MPC2: variants seen among roughly 807,000 people sequenced by gnomAD.
MPC2 encodes the protein mitochondrial pyruvate carrier 2.
A neutral mutation model predicts 19.2 loss-of-function variants in MPC2; 19 were observed. The observed-to-expected ratio is 0.99, with a 90% confidence interval of 0.69 to 1.45. The LOEUF is 1.45. Among genes scored for constraint, MPC2 ranks in the 40% most tolerant of loss-of-function variants. The pLI, the probability that MPC2 is intolerant of heterozygous loss-of-function variation, is 0.00. For missense variants in MPC2, 122 were observed against 153.0 expected, an observed-to-expected ratio of 0.80 and a Z score of 1.07; for synonymous variants, 61 against 54.3, an observed-to-expected ratio of 1.12 and a Z score of -0.54.
chr1:167,935,179 T>C (rs1419533600), intron 2 of MPC2, among the ~76,000 whole-genome samples: 2 of 152,010 alleles, frequency 1.3e-5, no homozygotes, highest in Non-Finnish European at 2.9e-5. Context: ...TAAATAAGGA[T>C]AGACTTAAAA....
intron 1 of MPC2, chr1:167,936,554 T>G: frequency 3.6e-6 from 1 of 275,932 alleles, no homozygotes; most frequent in Non-Finnish European, 7.0e-6. Context: ...CCCAGGGTGG[T>G]CGTCATCTCG....
chr1:167,931,214 G>C (rs1182426772), intron 2 of MPC2, among the ~76,000 whole-genome samples: 1 of 152,188 alleles, frequency 6.6e-6, no homozygotes, highest in Non-Finnish European at 1.5e-5. Flanking sequence ...TTACAGGTGT[G>C]AGCTACCGCG....
chr1:167,928,278 G>C (rs1670810990), intron 2 of MPC2, among the ~76,000 whole-genome samples: 1 of 151,074 alleles, frequency 6.6e-6, no homozygotes, highest in Non-Finnish European at 1.5e-5. Flanking sequence ...AAGCCGGGAG[G>C]TGGAGCTTGC....
At chr1:167,929,949 C>T (rs553449937) in intron 2 of MPC2, among the ~76,000 whole-genome samples, 5 of 152,134 alleles carry the variant, frequency 3.3e-5, no homozygotes, top group African/African-American at 4.8e-5. Context: ...TAATTCCTTA[C>T]ATTACACAAG....
chr1:167,927,532 A>C (rs531822880), intron 2 of MPC2, among the ~76,000 whole-genome samples: 1 of 152,238 alleles, frequency 6.6e-6, no homozygotes, highest in South Asian at 2.1e-4. Context: ...ATGGGTGTTC[A>C]TTTTTACTCT....
At chr1:167,934,200 G>T (rs1017414606) in intron 2 of MPC2, among the ~76,000 whole-genome samples, 5 of 152,138 alleles carry the variant, frequency 3.3e-5, no homozygotes, top group Non-Finnish European at 7.4e-5. Context: ...ATTACAGGTG[G>T]CTAAAAACTA....
intron 2 of MPC2, among the ~76,000 whole-genome samples, chr1:167,928,148 A>G (rs1670806694): frequency 6.6e-6 from 1 of 152,170 alleles, no homozygotes; most frequent in Non-Finnish European, 1.5e-5. Context: ...GAAGATCGAG[A>G]CCATCCTGGC....
At position 167,918,342 on chromosome 1, in the gene MPC2, T is replaced by G. The variant is rs1170720111; in HGVS notation, c.365A>C (p.Lys122Thr). 1 of 1,566,266 alleles carries G rather than the reference T, an allele frequency of 6.4e-7. No individual in the cohort carries two copies. Among genetic ancestry groups the G allele is most frequent in the Non-Finnish European group, 8.8e-7 (1 of 1,139,604 alleles). Residue 122 changes from lysine to threonine, a missense_variant, in exon 6 of 6, where the codon AAA (lysine) becomes ACA (threonine). Lys to Thr is a moderately conservative substitution (Grantham distance 78). Coordinates refer to ENST00000271373, the MANE Select transcript of MPC2 (RefSeq NM_001143674.4). ...FRIWRYNQEL[K>T]AKAHK ...ACTCTTTTATTTGTGTGCTTTAGCT[T>G]TTAGTTCTTGGTTATATCTATAAAG...
intron 2 of MPC2, 51 bp from the exon 3 acceptor site, chr1:167,924,588 C>A (rs1342369996): frequency 3.0e-6 from 4 of 1,344,158 alleles, no homozygotes; most frequent in South Asian, 1.5e-5. Context: ...ATATATTATA[C>A]ACGTCTTTTA....
At chr1:167,933,131 T>C (rs1557857261) in intron 2 of MPC2, among the ~76,000 whole-genome samples, 2 of 151,518 alleles carry the variant, frequency 1.3e-5, no homozygotes, top group African/African-American at 4.8e-5. Context: ...GATGCAATAC[T>C]GTAACTAAAA....
At chr1:167,926,283 C>G (rs1234066292) in intron 2 of MPC2, among the ~76,000 whole-genome samples, 3 of 152,210 alleles carry the variant, frequency 2.0e-5, no homozygotes, top group African/African-American at 7.2e-5. Flanking sequence ...GATGTTCTTA[C>G]AACTGAGTGA....
chr1:167,922,527 A>T (rs1473852180), intron 3 of MPC2, among the ~76,000 whole-genome samples: 1 of 152,068 alleles, frequency 6.6e-6, no homozygotes, highest in African/African-American at 2.4e-5. Context: ...GTAGGGAGAG[A>T]AGAAGGAAAT....
intron 2 of MPC2, among the ~76,000 whole-genome samples, chr1:167,932,584 G>A (rs1670939987): frequency 6.6e-6 from 1 of 152,062 alleles, no homozygotes; most frequent in African/African-American, 2.4e-5. Context: ...CAAGGCAGGT[G>A]GATCACCTGA....
intron 2 of MPC2, 103 bp from the exon 3 acceptor site, chr1:167,924,640 C>G: frequency 1.3e-6 from 1 of 789,652 alleles, no homozygotes. Flanking sequence ...ATTTATCAAC[C>G]TATTTTTAAC....
rs1021413745 is a variant in MPC2, at chr1:167,917,033, A to C, written c.*1290T>G. 9 of 152,214 alleles carry C rather than the reference A, an allele frequency of 5.9e-5. No homozygotes were observed. The highest frequency in any genetic ancestry group is 1.3e-4 in the Non-Finnish European group (9 of 68,022). 9.4% of individuals were successfully genotyped at this position (152,214 alleles called of 1,614,324 possible). A position where few individuals can be genotyped will look rare whatever the true frequency, so the allele number is the denominator to read the frequency against. Reference sequence around the variant, plus strand: ...TCATAGGTTATAGTATTACTCAAAAAGTTGTTTTGTCTCATTTCTTCAAAT... The same window carrying C: ...TCATAGGTTATAGTATTACTCAAAACGTTGTTTTGTCTCATTTCTTCAAAT... On this transcript the variant is annotated 3_prime_UTR_variant, in exon 6 of 6. Coordinates refer to ENST00000271373, the MANE Select transcript of MPC2 (RefSeq NM_001143674.4).
intron 2 of MPC2, among the ~76,000 whole-genome samples, chr1:167,933,685 A>G (rs1296645758): frequency 2.0e-5 from 3 of 152,190 alleles, no homozygotes; most frequent in Non-Finnish European, 4.4e-5. Flanking sequence ...TTGAATATTC[A>G]CTCTGGATAA....
intron 3 of MPC2, among the ~76,000 whole-genome samples, 159 bp from the exon 4 acceptor site, chr1:167,920,790 G>A (rs1229519300): frequency 1.3e-5 from 2 of 152,028 alleles, no homozygotes; most frequent in Non-Finnish European, 2.9e-5. Context: ...CAAAAAAAAA[G>A]CACAATGAAT....
rs766618996 is a variant in MPC2 at position 167,924,478 on chromosome 1, G to A, written c.150+19C>T. ...AGGAATTTGTCTTTCAGTAGCTTCC[G>A]TAAAAACTCAAGACTTACCCATTTC... On this transcript the variant is annotated intron_variant, in intron 3 of 5. Coordinates refer to ENST00000271373, the MANE Select transcript of MPC2 (RefSeq NM_001143674.4). 1.0e-4 allele frequency: 161 copies of A among 1,583,366 alleles called. No individual in the cohort carries two copies. Among genetic ancestry groups the A allele is most frequent in the Non-Finnish European group, 1.2e-4 (139 of 1,164,046 alleles).
At chr1:167,928,053 T>TA (rs950986096) in intron 2 of MPC2, among the ~76,000 whole-genome samples, 28 of 151,058 alleles carry the variant, frequency 1.9e-4, no homozygotes, top group East Asian at 5.8e-4. Context: ...TCTTAACTGT[T>TA]AAAAAAAAAG....
Sources: allele counts gnomAD v4.1 joint callset (sites outside exome capture counted in the v4.1 genomes callset), GRCh38; gene constraint gnomAD v4.1.1; transcripts MANE v1.5; gene names NCBI Gene and HGNC (gene_info 2026-07-23, HGNC 2026-07-21).